The following LRTM3 variants were observed in gnomAD, a reference collection of about 807,000 sequenced individuals.
LRTM3 encodes the protein leucine rich repeat transmembrane protein 3.
At chr13:102,753,501 A>T in the LRTM3 span, among the ~76,000 whole-genome samples, 2 of 151,884 alleles carry the variant, frequency 1.3e-5, no homozygotes, top group Admixed American at 1.3e-4. Context: ...AATTAAAAAA[A>T]AAAAAAAGAA....
At chr13:102,744,265 T>G in the LRTM3 span, 1 of 1,550,512 alleles carries the variant, frequency 6.4e-7, no homozygotes, top group Middle Eastern at 1.7e-4. Context: ...CTATAAACTC[T>G]AATGTATAGC....
At chr13:102,747,684 G>A in the LRTM3 span, 1 of 1,551,146 alleles carries the variant, frequency 6.4e-7, no homozygotes, top group Non-Finnish European at 8.7e-7. Flanking sequence ...GGCATTGTAA[G>A]TGGATTCTTT....
the LRTM3 span, chr13:102,747,803 G>A: frequency 1.9e-6 from 3 of 1,551,140 alleles, no homozygotes; most frequent in Non-Finnish European, 2.6e-6. Flanking sequence ...AATAGTTTGT[G>A]TAGAAAGAGT....
the LRTM3 span, chr13:102,736,466 T>C: frequency 6.4e-7 from 1 of 1,551,138 alleles, no homozygotes; most frequent in Non-Finnish European, 8.7e-7. Context: ...TACAAGGCTC[T>C]CTGTTGGCTT....
the LRTM3 span, chr13:102,743,528 G>C: frequency 6.5e-7 from 1 of 1,548,480 alleles, no homozygotes; most frequent in South Asian, 1.2e-5. Context: ...TAAACATTTG[G>C]GATTCAATAT....
the LRTM3 span, chr13:102,730,667 G>A: frequency 5.2e-6 from 8 of 1,551,948 alleles, no homozygotes; most frequent in African/African-American, 1.4e-5. Flanking sequence ...CTTTTTGAAA[G>A]AAATATGTTG....
chr13:102,745,839 C>A, the LRTM3 span: 1 of 1,551,104 alleles, frequency 6.4e-7, no homozygotes, highest in Non-Finnish European at 8.7e-7. Flanking sequence ...GGAAATTGAT[C>A]CAGTGTAGGG....
the LRTM3 span, chr13:102,747,278 A>G: frequency 1.3e-6 from 2 of 1,549,324 alleles, no homozygotes; most frequent in Non-Finnish European, 1.7e-6. Flanking sequence ...AGGGTAAATA[A>G]CATTCAGAAG....
chr13:102,732,872 G>T, the LRTM3 span: 3 of 1,551,348 alleles, frequency 1.9e-6, no homozygotes, highest in Non-Finnish European at 2.6e-6. Context: ...ATTGGTGTTT[G>T]CGTCTGTTTG....
the LRTM3 span, chr13:102,748,096 T>C: frequency 1.9e-6 from 3 of 1,551,068 alleles, no homozygotes; most frequent in African/African-American, 4.1e-5. Flanking sequence ...TTATTCTTAA[T>C]GTGTCTGCCT....
the LRTM3 span, chr13:102,750,196 C>G: frequency 2.6e-6 from 4 of 1,551,192 alleles, no homozygotes; most frequent in African/African-American, 4.1e-5. Context: ...CTGAATAAAA[C>G]AATGGCAAAG....
the LRTM3 span, chr13:102,745,945 G>A: frequency 6.4e-7 from 1 of 1,551,158 alleles, no homozygotes; most frequent in South Asian, 1.2e-5. Context: ...CATCTGATTT[G>A]ACAAGCTCAT....
At chr13:102,751,083 GT>G in the LRTM3 span, among the ~76,000 whole-genome samples, 1 of 152,120 alleles carries the variant, frequency 6.6e-6, no homozygotes, top group Non-Finnish European at 1.5e-5. Flanking sequence ...CTCCCAGGGT[GT>G]TTTGGATGAG....
the LRTM3 span, chr13:102,738,526 T>G: frequency 6.4e-7 from 1 of 1,550,820 alleles, no homozygotes; most frequent in Non-Finnish European, 8.7e-7. Flanking sequence ...CCTGTGAAAT[T>G]GATGATTTCA....
At chr13:102,736,508 T>C in the LRTM3 span, 3 of 1,551,092 alleles carry the variant, frequency 1.9e-6, no homozygotes, top group Non-Finnish European at 2.6e-6. Context: ...AGGCAATGAT[T>C]CCTGGATCTC....
At chr13:102,755,648 C>T in the LRTM3 span, among the ~76,000 whole-genome samples, 142 of 151,568 alleles carry the variant, frequency 9.4e-4, 1 homozygote, top group African/African-American at 3.1e-3. Context: ...AAGGCCTTTT[C>T]GGGGATGGGG....
chr13:102,734,170 G>A, the LRTM3 span: 1 of 1,551,446 alleles, frequency 6.4e-7, no homozygotes, highest in Non-Finnish European at 8.7e-7. Flanking sequence ...CCTCTTGGCA[G>A]TGTATCCTGA....
At chr13:102,745,155 T>A in the LRTM3 span, 1 of 1,550,704 alleles carries the variant, frequency 6.4e-7, no homozygotes, top group Non-Finnish European at 8.7e-7. Context: ...TTTTCTAATT[T>A]GTGAAAGTCA....
the LRTM3 span, chr13:102,729,643 G>A: frequency 4.5e-4 from 703 of 1,549,576 alleles, 8 homozygotes; most frequent in South Asian, 7.9e-3. Context: ...CCGGTACACA[G>A]GCAAAAAAAA....
Sources: allele counts gnomAD v4.1 joint callset (sites outside exome capture counted in the v4.1 genomes callset), GRCh38; gene constraint gnomAD v4.1.1; transcripts MANE v1.5; gene names NCBI Gene and HGNC (gene_info 2026-07-23, HGNC 2026-07-21).